The following RASA3 variants were observed in gnomAD, a reference collection of about 807,000 sequenced individuals.
RASA3 encodes ras GTPase-activating protein 3.
A neutral mutation model predicts 110.0 loss-of-function variants in RASA3; 73 were observed. The observed-to-expected ratio is 0.66, with a 90% CI of 0.55 to 0.81. The LOEUF (loss-of-function observed/expected upper bound fraction) is 0.81. Among genes scored for constraint, RASA3 ranks in the 30% least tolerant of loss-of-function variants. The pLI, the probability that RASA3 is intolerant of heterozygous loss-of-function variation, is 0.00. For missense variants in RASA3, 976 were observed against 1,113.2 expected, an observed-to-expected ratio of 0.88 and a Z score of 1.75; for synonymous variants, 500 against 451.4, an observed-to-expected ratio of 1.11 and a Z score of -1.37.
intron 9 of RASA3, among the ~76,000 whole-genome samples, chr13:114,019,714 G>C (rs1375332909): frequency 6.7e-6 from 1 of 150,144 alleles, no homozygotes; most frequent in African/African-American, 2.5e-5. Flanking sequence ...GCCCCCGCCA[G>C]GTGGGTGGAG....
Position 113,996,562 on chromosome 13 carries a change from C to T in RASA3, c.2110G>A (p.Asp704Asn), listed in dbSNP as rs377602797. ...GHWLCCRAPS[D>N]SAPGCSPCTG... ...CAGGGCGAGCAGCCCGGAGCCGAGT[C>T]GGATGGCGCCCTACAGCACAGCCAG... Residue 704 changes from aspartate to asparagine, a missense_variant, in exon 21 of 24, where the codon GAC (aspartate) becomes AAC (asparagine). Asp to Asn is a conservative substitution (Grantham distance 23, BLOSUM62 1). Transcript: ENST00000334062. The T allele has an allele frequency of 6.2e-5, 100 of 1,612,896 alleles. No individual in the cohort carries two copies. The highest frequency in any genetic ancestry group is 7.8e-5 in the Non-Finnish European group (92 of 1,180,010).
At position 114,045,212 on chromosome 13, in the gene RASA3, T is replaced by C. The variant is rs559064152; in HGVS notation, c.278-4118A>G. 9.6e-4 allele frequency among the ~76,000 whole-genome samples: 146 copies of C among 152,348 alleles called. 1 individual carries two copies. Among genetic ancestry groups the C allele is most frequent in the African/African-American group, 3.3e-3 (139 of 41,576 alleles). ...TGATCTAAAAGCCACGGCGTCTACTTAAATTTCTCTGATGTGCCTAATCCA... is the reference window on the plus strand; with the variant it reads ...TGATCTAAAAGCCACGGCGTCTACTCAAATTTCTCTGATGTGCCTAATCCA... On this transcript the variant is annotated intron_variant, in intron 3 of 23. Coordinates refer to ENST00000334062, the MANE Select transcript of RASA3 (RefSeq NM_007368.4).
At chr13:114,094,802 C>T (rs767505499) in intron 1 of RASA3, among the ~76,000 whole-genome samples, 14 of 152,194 alleles carry the variant, frequency 9.2e-5, no homozygotes, top group Non-Finnish European at 1.6e-4. Flanking sequence ...ATAATATACA[C>T]TCAGTAAATA....
intron 15 of RASA3, among the ~76,000 whole-genome samples, chr13:114,012,517 C>T (rs1435444355): frequency 1.3e-5 from 2 of 148,394 alleles, no homozygotes; most frequent in African/African-American, 5.0e-5. Flanking sequence ...CACACACTCC[C>T]CACGCATTCC....
chr13:113,999,137 G>A (rs1009501042), intron 20 of RASA3, among the ~76,000 whole-genome samples: 2 of 77,354 alleles, frequency 2.6e-5, no homozygotes, highest in African/African-American at 9.6e-5. Flanking sequence ...GGGGAACGAG[G>A]CCACACACGG....
chr13:114,013,284 G>A (rs751251858), intron 14 of RASA3, 36 bp from the exon 15 acceptor site: 35 of 1,533,440 alleles, frequency 2.3e-5, no homozygotes, highest in Middle Eastern at 3.4e-4. Flanking sequence ...CGTTTTCCTC[G>A]GGCACAATGG....
chr13:114,040,835 C>T (rs1263885624), intron 4 of RASA3, among the ~76,000 whole-genome samples, 165 bp downstream of exon 4: 4 of 152,190 alleles, frequency 2.6e-5, no homozygotes, highest in Non-Finnish European at 4.4e-5. Context: ...GCGGAGCCCG[C>T]GCTCACTCCG....
In RASA3 at chr13:113,979,234, G is replaced by T; in HGVS notation, c.*113C>A. The T allele has an allele frequency of 9.5e-7, 1 of 1,055,214 alleles. No individual in the cohort carries two copies. The highest frequency in any genetic ancestry group is 1.4e-6 in the Non-Finnish European group (1 of 689,704). The allele number at this position is 1,055,214 out of a possible 1,614,324, so 65.4% of individuals were successfully genotyped here. A position where few individuals can be genotyped will look rare whatever the true frequency, so the allele number is the denominator to read the frequency against. On this transcript the variant is annotated 3_prime_UTR_variant, in exon 24 of 24. Transcript: ENST00000334062. ...CCAGCGCCACTTGTCTATGGGCCGG[G>T]ACGGCGTGCATCTCACTTTGCCGGC...
chr13:114,125,904 GCCCAACC>G (rs1419511331), intron 1 of RASA3, among the ~76,000 whole-genome samples: 1,629 of 148,552 alleles, frequency 0.011, 110 homozygotes, highest in Middle Eastern at 0.025. Flanking sequence ...GGCACCTGCT[GCCCAACC>G]TCGCACCCTC....
chr13:114,127,777 T>C (rs1032930740), intron 1 of RASA3, among the ~76,000 whole-genome samples: 1 of 152,058 alleles, frequency 6.6e-6, no homozygotes, highest in African/African-American at 2.4e-5. Context: ...TGGACAATAC[T>C]AAGTGGTGAG....
At chr13:114,061,557 A>G (rs1207801935) in intron 2 of RASA3, among the ~76,000 whole-genome samples, 4 of 151,738 alleles carry the variant, frequency 2.6e-5, no homozygotes, top group African/African-American at 4.8e-5. Context: ...GGCGCCTGTA[A>G]TCCCAGCTAC....
intron 1 of RASA3, among the ~76,000 whole-genome samples, chr13:114,080,353 G>T (rs1238171266): frequency 6.6e-6 from 1 of 152,162 alleles, no homozygotes; most frequent in African/African-American, 2.4e-5. Context: ...TGTGCGGGCT[G>T]ATTCCAAAAC....
chr13:114,012,162 G>A (rs995920857), intron 15 of RASA3, among the ~76,000 whole-genome samples: 8 of 152,138 alleles, frequency 5.3e-5, no homozygotes, highest in African/African-American at 1.9e-4. Context: ...CAGGGGAGGA[G>A]AGCAGGGCGG....
chr13:113,992,423 T>C, intron 22 of RASA3, 62 bp downstream of exon 22: 1 of 1,365,552 alleles, frequency 7.3e-7, no homozygotes, highest in Non-Finnish European at 1.0e-6. Context: ...AGCATGCTCC[T>C]GAGGCCGGGG....
intron 9 of RASA3, among the ~76,000 whole-genome samples, chr13:114,019,496 C>A (rs1039291502): frequency 6.6e-6 from 1 of 151,778 alleles, no homozygotes; most frequent in Non-Finnish European, 1.5e-5. Context: ...AGCCTGTGTC[C>A]GAGGCCCCGC....
Position 114,056,369 on chromosome 13 carries a change from G to C in RASA3, c.174-4214C>G. Reference sequence around the variant, plus strand: ...CCCCACAAACGGGCGCCGCGCACCTGGCATTTAACCCTGCACACTTCCTCA... The same window carrying C: ...CCCCACAAACGGGCGCCGCGCACCTCGCATTTAACCCTGCACACTTCCTCA... On this transcript the variant is annotated intron_variant, in intron 2 of 23. Transcript: ENST00000334062. This position sits in a 1 kb window ranked among gnomAD's most constrained non-coding sequence, Gnocchi z 5.7. The C allele has an allele frequency of 1.1e-6, 1 of 879,662 alleles. No individual in the cohort carries two copies. The highest frequency in any genetic ancestry group is 1.4e-6 in the Non-Finnish European group (1 of 733,596). 54.5% of individuals were successfully genotyped at this position (879,662 alleles called of 1,614,324 possible).
chr13:114,005,414 G>A (rs557783552), intron 18 of RASA3, among the ~76,000 whole-genome samples: 1 of 152,296 alleles, frequency 6.6e-6, no homozygotes, highest in South Asian at 2.1e-4. Flanking sequence ...TGGAGGTTGA[G>A]GGAGGACAGG....
intron 22 of RASA3, among the ~76,000 whole-genome samples, chr13:113,992,037 ACATGT>A (rs1246653847): frequency 6.6e-6 from 1 of 150,716 alleles, no homozygotes; most frequent in East Asian, 2.0e-4. Flanking sequence ...CCACACTCAT[ACATGT>A]CATGTCCACA....
intron 22 of RASA3, among the ~76,000 whole-genome samples, chr13:113,991,641 C>T (rs1422077099): frequency 1.3e-5 from 2 of 152,196 alleles, no homozygotes; most frequent in African/African-American, 4.8e-5. Flanking sequence ...TAAAGCAATT[C>T]AATGTCACAG....
Sources: gnomAD v4.1 joint callset for allele counts (sites outside exome capture counted in the v4.1 genomes callset) on GRCh38, gnomAD v4.1.1 for gene constraint, Gnocchi (gnomAD v3.1) non-coding constraint, MANE v1.5 for transcripts, NCBI Gene and HGNC (gene_info 2026-07-23, HGNC 2026-07-21) for gene names.